The following FHIT variants were observed in gnomAD, a reference collection of about 807,000 sequenced individuals.
FHIT encodes fragile histidine triad diadenosine triphosphatase.
Under a neutral mutation model 17.9 loss-of-function variants are expected in FHIT, and 19 were observed. The observed-to-expected ratio is 1.06, with a 90% CI of 0.74 to 1.56. FHIT has a LOEUF of 1.56. Ranked by LOEUF, FHIT falls within the 40% of genes most tolerant of loss-of-function variation. The probability of loss-of-function intolerance (pLI) is 0.00; values close to 1 mark genes in which losing one functional copy is unlikely to be tolerated. For synonymous variants in FHIT, 81 were observed against 69.7 expected, an observed-to-expected ratio of 1.16 and a Z score of -0.81; for missense variants, 248 against 189.2, an observed-to-expected ratio of 1.31 and a Z score of -1.82.
chr3:60,486,933 A>G (rs1163756291), intron 5 of FHIT, among the ~76,000 whole-genome samples: 2 of 152,276 alleles, frequency 1.3e-5, no homozygotes, highest in East Asian at 3.9e-4. Context: ...ATTTTTCAAC[A>G]ACTTTGGGAG....
At chr3:60,876,938 C>G (rs1454649144) in intron 3 of FHIT, among the ~76,000 whole-genome samples, 3 of 152,194 alleles carry the variant, frequency 2.0e-5, no homozygotes, top group African/African-American at 7.2e-5. Flanking sequence ...CTATCCCCAG[C>G]TGAGATGAGC....
chr3:60,953,547 T>A (rs1295367741), intron 3 of FHIT, among the ~76,000 whole-genome samples: 3 of 152,176 alleles, frequency 2.0e-5, no homozygotes, highest in Non-Finnish European at 2.9e-5. Context: ...AAGCCCTGAC[T>A]AATCGGAAAT....
chr3:59,888,000 G>T (rs1703698081), intron 8 of FHIT, among the ~76,000 whole-genome samples: 1 of 152,102 alleles, frequency 6.6e-6, no homozygotes, highest in Non-Finnish European at 1.5e-5. Context: ...AATCTTTTTT[G>T]ATTAAATTCA....
intron 4 of FHIT, among the ~76,000 whole-genome samples, chr3:60,716,918 T>C (rs78112875): frequency 2.0e-5 from 3 of 152,316 alleles, no homozygotes; most frequent in East Asian, 3.9e-4. Flanking sequence ...GACCAGACCA[T>C]TGTTAAGTGG....
At chr3:60,430,142 G>A (rs1294210557) in intron 5 of FHIT, among the ~76,000 whole-genome samples, 1 of 152,034 alleles carries the variant, frequency 6.6e-6, no homozygotes, top group African/African-American at 2.4e-5. Context: ...CAGATTTGCA[G>A]TATTAAAAAG....
At chr3:61,124,104 G>A (rs967530110) in intron 2 of FHIT, among the ~76,000 whole-genome samples, 2 of 152,100 alleles carry the variant, frequency 1.3e-5, no homozygotes, top group African/African-American at 2.4e-5. Context: ...TTTCCTGTAC[G>A]ATAGGCAACA....
chr3:59,853,935 T>A (rs1461204856), intron 8 of FHIT, among the ~76,000 whole-genome samples: 1 of 152,142 alleles, frequency 6.6e-6, no homozygotes, highest in Non-Finnish European at 1.5e-5. Context: ...TCCACACTCC[T>A]GCTACAATTA....
At chr3:61,054,347 G>GTAACAAAT (rs1455135177) in intron 2 of FHIT, among the ~76,000 whole-genome samples, 1 of 138,864 alleles carries the variant, frequency 7.2e-6, no homozygotes, top group Non-Finnish European at 1.6e-5. Flanking sequence ...TAATGTTTTT[G>GTAACAAAT]TAACAAATTA....
intron 2 of FHIT, among the ~76,000 whole-genome samples, chr3:61,198,254 C>A (rs2038909616): frequency 1.3e-5 from 2 of 152,098 alleles, no homozygotes; most frequent in Non-Finnish European, 1.5e-5. Context: ...GAGGCCATGA[C>A]TACTAGCCAA....
At chr3:61,096,331 A>G (rs909333708) in intron 2 of FHIT, among the ~76,000 whole-genome samples, 8 of 152,324 alleles carry the variant, frequency 5.3e-5, no homozygotes, top group South Asian at 4.1e-4. Flanking sequence ...AACAAAAGTT[A>G]TTCCTAAATT....
intron 3 of FHIT, among the ~76,000 whole-genome samples, chr3:60,854,420 A>C (rs1553749301): frequency 1.3e-5 from 2 of 152,108 alleles, no homozygotes; most frequent in Non-Finnish European, 2.9e-5. Flanking sequence ...CAGTGATTTA[A>C]ACACAGAAAG....
At chr3:59,805,154 T>C (rs897452632) in intron 8 of FHIT, among the ~76,000 whole-genome samples, 1 of 152,146 alleles carries the variant, frequency 6.6e-6, no homozygotes, top group Non-Finnish European at 1.5e-5. Flanking sequence ...TTCCGGCGTG[T>C]CCTGCTCTGT....
At chr3:60,907,765 G>A (rs1210577054) in intron 3 of FHIT, among the ~76,000 whole-genome samples, 1 of 152,156 alleles carries the variant, frequency 6.6e-6, no homozygotes. Flanking sequence ...GGGATAGACT[G>A]TACAAAAATT....
chr3:60,131,835 A>G (rs1009416028), intron 5 of FHIT, among the ~76,000 whole-genome samples: 1 of 151,930 alleles, frequency 6.6e-6, no homozygotes, highest in African/African-American at 2.4e-5. Flanking sequence ...TCTCTTCTCA[A>G]AGCCAATCAC....
At chr3:59,807,394 T>C (rs929864879) in intron 8 of FHIT, among the ~76,000 whole-genome samples, 3 of 152,092 alleles carry the variant, frequency 2.0e-5, no homozygotes, top group African/African-American at 7.2e-5. Flanking sequence ...CACTATGGGG[T>C]GTCATCAGCA....
intron 1 of FHIT, among the ~76,000 whole-genome samples, chr3:61,216,460 G>T (rs1474779612): frequency 6.6e-6 from 1 of 152,194 alleles, no homozygotes; most frequent in Non-Finnish European, 1.5e-5. Context: ...TGTTACACCA[G>T]TTAGAATGGC....
At chr3:61,199,053 CAG>C (rs2038938877) in intron 2 of FHIT, among the ~76,000 whole-genome samples, 1 of 152,130 alleles carries the variant, frequency 6.6e-6, no homozygotes, top group Non-Finnish European at 1.5e-5. Context: ...AAGCCAAAAA[CAG>C]TATTATCCCC....
intron 8 of FHIT, among the ~76,000 whole-genome samples, chr3:59,849,920 A>G (rs540441769): frequency 6.6e-6 from 1 of 152,356 alleles, no homozygotes; most frequent in Non-Finnish European, 1.5e-5. Flanking sequence ...AATACCTTTG[A>G]CTTTAGTTCT....
At chr3:60,044,289 T>C (rs1457967011) in intron 5 of FHIT, among the ~76,000 whole-genome samples, 1 of 152,130 alleles carries the variant, frequency 6.6e-6, no homozygotes, top group Non-Finnish European at 1.5e-5. Flanking sequence ...GACTCAAAAG[T>C]TTTAACTCCT....
Sources: gnomAD v4.1 joint callset for allele counts (sites outside exome capture counted in the v4.1 genomes callset) on GRCh38, gnomAD v4.1.1 for gene constraint, MANE v1.5 for transcripts, NCBI Gene and HGNC (gene_info 2026-07-23, HGNC 2026-07-21) for gene names.